EFCC1: variants seen among roughly 807,000 people sequenced by gnomAD.
The protein encoded by EFCC1 is EF-hand and coiled-coil domain containing 1, also known as EF-hand and coiled-coil domain-containing protein 1.
In EFCC1, 50 loss-of-function variants were observed where a neutral mutation model predicts 52.1. That is an observed-to-expected ratio of 0.96 (90% confidence interval 0.76 to 1.21). EFCC1 has a LOEUF of 1.21. Among genes scored for constraint, EFCC1 ranks in the 50% most tolerant of loss-of-function variants. The pLI is 0.00. For missense variants in EFCC1, 837 were observed against 867.3 expected (o/e 0.97, Z 0.44); for synonymous variants, 399 against 396.5 (o/e 1.01, Z -0.08).
chr3:129,025,639 T>C (rs1946072738), intron 2 of EFCC1, among the ~76,000 whole-genome samples: 1 of 152,156 alleles, frequency 6.6e-6, no homozygotes, highest in Non-Finnish European at 1.5e-5. Flanking sequence ...GGTGGAGCTA[T>C]TATAGCATGT....
chr3:129,030,705 C>T lies in EFCC1; in HGVS notation c.983C>T (p.Ser328Leu). 6.4e-7 allele frequency: 1 copy of T among 1,551,326 alleles called. No individual in the cohort carries two copies. ...CTGTGTCTCTCCCACGGCTGCAGGT[C>T]AGAGGATTCCCAGCTCCCAACCCCG... is the stretch of plus-strand genomic sequence containing the variant. Reference protein sequence around the residue: ...RLEAELQRYRSEDSQLPTPQL... With the variant: ...RLEAELQRYRLEDSQLPTPQL... The change falls in exon 3 of 8, where the codon TCA becomes TTA. Residue 328 changes from serine to leucine, a missense_variant and splice_region_variant. Coordinates refer to ENST00000683648, the MANE Select transcript of EFCC1 (RefSeq NM_001377500.1).
At chr3:129,033,922 G>A (rs1380870601) in intron 4 of EFCC1, among the ~76,000 whole-genome samples, 1 of 152,272 alleles carries the variant, frequency 6.6e-6, no homozygotes, top group Non-Finnish European at 1.5e-5. Flanking sequence ...ACTGTGGCTG[G>A]AGCAGTGTGA....
At chr3:129,003,737 G>T in intron 1 of EFCC1, 57 bp from the exon 2 acceptor site, 1 of 1,300,288 alleles carries the variant, frequency 7.7e-7, no homozygotes, top group Non-Finnish European at 9.8e-7. Flanking sequence ...GCGGGCGTTC[G>T]TCTGGTGCAT....
In EFCC1 at chr3:129,032,848, G is replaced by A; in HGVS notation, c.1168G>A (p.Glu390Lys). The A allele has an allele frequency of 5.2e-6, 8 of 1,551,480 alleles. No homozygotes were observed. The highest frequency in any genetic ancestry group is 7.0e-6 in the Non-Finnish European group (8 of 1,146,946). The change falls in exon 4 of 8, where the codon GAG becomes AAG. Residue 390 changes from glutamate (E) to lysine (K), a missense_variant. Physicochemically the swap from Glu to Lys is moderately conservative, Grantham distance 56 (BLOSUM62 1). Coordinates refer to ENST00000683648, the MANE Select transcript of EFCC1 (RefSeq NM_001377500.1). Reference protein sequence around the residue: ...AVDEQLFRSVEGQAASDEEEV... With the variant: ...AVDEQLFRSVKGQAASDEEEV... The stretch of plus-strand genomic sequence containing the variant: ...GGACGAGCAGCTGTTCCGCTCCGTG[G>A]AGGGCCAGGCCGCCTCTGACGAGGA...
chr3:129,037,057 G>C lies in EFCC1; in HGVS notation c.1533G>C (p.Leu511=), dbSNP rs552830863. 6.2e-7 allele frequency: 1 copy of C among 1,613,578 alleles called. No homozygotes were observed. The highest frequency in any genetic ancestry group is 2.2e-5 in the East Asian group (1 of 44,882). The change falls in exon 6 of 8, where the codon CTG becomes CTC. Residue 511 remains leucine (L), a synonymous_variant. Coordinates refer to ENST00000683648, the MANE Select transcript of EFCC1 (RefSeq NM_001377500.1). ...TGGTAGAGACCGAGAGGGTGCGGCT[G>C]TCCCTGCTGGAGGAGAAGCTGGTGG... ...LQMVETERVR[L]SLLEEKLVDV...
intron 2 of EFCC1, among the ~76,000 whole-genome samples, chr3:129,012,171 C>T (rs1431968954): frequency 6.6e-6 from 1 of 152,262 alleles, no homozygotes; most frequent in Non-Finnish European, 1.5e-5. Context: ...CTTGATGCTT[C>T]TTAGGAAGCT....
At position 129,037,056 on chromosome 3, in the gene EFCC1, T is replaced by TG; in HGVS notation, c.1533dup (p.Ser512ValfsTer128). 1 of 1,613,614 alleles carries TG rather than the reference T, an allele frequency of 6.2e-7. No individual in the cohort carries two copies. Among genetic ancestry groups the TG allele is most frequent in the Non-Finnish European group, 8.5e-7 (1 of 1,179,896 alleles). On this transcript the variant is annotated frameshift_variant, in exon 6 of 8. Coordinates refer to ENST00000683648, the MANE Select transcript of EFCC1 (RefSeq NM_001377500.1). LOFTEE classifies it high-confidence loss of function. ...ATGGTAGAGACCGAGAGGGTGCGGC[T>TG]GTCCCTGCTGGAGGAGAAGCTGGTG...
Position 129,035,306 on chromosome 3 carries a change from G to A in EFCC1, c.1452+977G>A, listed in dbSNP as rs527541585. 5.3e-5 allele frequency among the ~76,000 whole-genome samples: 8 copies of A among 152,326 alleles called. No homozygotes were observed. In the South Asian group the frequency reaches 1.4e-3, roughly 28 times the overall value. On this transcript the variant is annotated intron_variant, in intron 5 of 7. Transcript: ENST00000683648. ...TGCTCTGTCTTATTTTATGTTCAAA[G>A]GGCCCAATGAGGTAGGAAACAGTTT...
At chr3:129,031,138 C>T (rs938372134) in intron 3 of EFCC1, among the ~76,000 whole-genome samples, 2 of 152,314 alleles carry the variant, frequency 1.3e-5, no homozygotes, top group East Asian at 3.9e-4. Flanking sequence ...CCTTTAAAAG[C>T]ATGGATGCAG....
At chr3:129,006,355 C>A (rs1218689575) in intron 2 of EFCC1, among the ~76,000 whole-genome samples, 1 of 152,220 alleles carries the variant, frequency 6.6e-6, no homozygotes, top group Non-Finnish European at 1.5e-5. Context: ...CTTGCTCTGT[C>A]ACCCAGGCTG....
At chr3:129,017,458 C>T (rs908084256) in intron 2 of EFCC1, among the ~76,000 whole-genome samples, 7 of 152,216 alleles carry the variant, frequency 4.6e-5, no homozygotes, top group South Asian at 4.1e-4. Context: ...CGCACAAGGC[C>T]GAAAGCAAGG....
At position 129,010,441 on chromosome 3, in the gene EFCC1, GGAGA is replaced by G. The variant is rs1339820015; in HGVS notation, c.980+6366_980+6369del. On this transcript the variant is annotated intron_variant, in intron 2 of 7. Coordinates refer to ENST00000683648, the MANE Select transcript of EFCC1 (RefSeq NM_001377500.1). This position sits in a 1 kb window ranked among gnomAD's most constrained non-coding sequence, Gnocchi z 4.3. Reference sequence around the variant, plus strand: ...CAGCTCAGCTCAGCCGGAACAGGGAGGAGAGGCCTGGCGGCCTGGCCTCTGGCTT... The same window carrying G: ...CAGCTCAGCTCAGCCGGAACAGGGAGGGCCTGGCGGCCTGGCCTCTGGCTT... Among the ~76,000 whole-genome samples, 1 of 152,166 alleles carries G rather than the reference GGAGA, an allele frequency of 6.6e-6. No homozygotes were observed. The highest frequency in any genetic ancestry group is 2.4e-5 in the African/African-American group (1 of 41,436).
Position 129,014,540 on chromosome 3 carries a change from A to G in EFCC1, c.980+10463A>G, listed in dbSNP as rs554507008. Among the ~76,000 whole-genome samples the G allele has an allele frequency of 1.1e-3, 172 of 152,302 alleles. No homozygotes were observed. Among genetic ancestry groups the G allele is most frequent in the Non-Finnish European group, 1.9e-3 (128 of 68,020 alleles). On this transcript the variant is annotated intron_variant, in intron 2 of 7. Transcript: ENST00000683648. The surrounding 1 kb of genome is among the most constrained non-coding windows in gnomAD (Gnocchi z 4.3). ...GTCAGACTGGATTAGGGCCCACCCT[A>G]AAGACCTCATTTTAACTTGATTACC... is the stretch of plus-strand genomic sequence containing the variant.
rs142737533 is a variant in EFCC1 at position 129,020,910 on chromosome 3, C to G, written c.981-9793C>G. Among the ~76,000 whole-genome samples, 100 of 152,316 alleles carry G rather than the reference C, an allele frequency of 6.6e-4. 1 individual carries two copies. The highest frequency in any genetic ancestry group is 2.3e-3 in the African/African-American group (96 of 41,580). ...CTGGCAGCCTCCAAGTCCAAACCCA[C>G]AGGGGTGGGCACCTCGTAGTCCCAG... is the stretch of plus-strand genomic sequence containing the variant. On this transcript the variant is annotated intron_variant, in intron 2 of 7. Coordinates refer to ENST00000683648, the MANE Select transcript of EFCC1 (RefSeq NM_001377500.1).
Position 129,038,907 on chromosome 3 carries a change from G to A in EFCC1, c.1663+7G>A, listed in dbSNP as rs368823118. 2.9e-5 allele frequency: 46 copies of A among 1,613,618 alleles called. No homozygotes were observed. Among genetic ancestry groups the A allele is most frequent in the Non-Finnish European group, 3.6e-5 (42 of 1,179,854 alleles). The stretch of plus-strand genomic sequence containing the variant: ...TTCAGGGACCCCACCCACGGTAGGA[G>A]AGCACCCTAGTCTCTCAGAGCCCAC... On this transcript the variant is annotated splice_region_variant and intron_variant, in intron 7 of 7. Coordinates refer to ENST00000683648, the MANE Select transcript of EFCC1 (RefSeq NM_001377500.1).
chr3:129,015,934 G>A (rs1329454166), intron 2 of EFCC1, among the ~76,000 whole-genome samples: 1 of 152,232 alleles, frequency 6.6e-6, no homozygotes, highest in African/African-American at 2.4e-5. Context: ...GTGCTGCAGC[G>A]TGGCCGTGGC....
Position 129,032,851 on chromosome 3 carries a change from G to A in EFCC1, c.1171G>A (p.Gly391Ser). The A allele has an allele frequency of 2.6e-6, 4 of 1,551,476 alleles. No homozygotes were observed. Among genetic ancestry groups the A allele is most frequent in the Non-Finnish European group, 3.5e-6 (4 of 1,146,930 alleles). ...VDEQLFRSVE[G>S]QAASDEEEVE... is the part of the protein sequence containing the mutation. Reference sequence around the variant, plus strand: ...CGAGCAGCTGTTCCGCTCCGTGGAGGGCCAGGCCGCCTCTGACGAGGAGGA... The same window carrying A: ...CGAGCAGCTGTTCCGCTCCGTGGAGAGCCAGGCCGCCTCTGACGAGGAGGA... The change falls in exon 4 of 8, where the codon GGC becomes AGC. Residue 391 changes from glycine to serine, a missense_variant. Transcript: ENST00000683648.
chr3:129,002,039 G>A lies in EFCC1; in HGVS notation c.411G>A (p.Pro137=), dbSNP rs1230215739. ...CGCGCCTGGCGCTGCGCGCCGAGCC[G>A]CCGGAGCTCACCTTCCGCCAGTTCC... is the stretch of plus-strand genomic sequence containing the variant. ...EEARLALRAE[P]PELTFRQFHA... is the part of the protein sequence containing the mutation. Residue 137 remains proline, a synonymous_variant, in exon 1 of 8, where the codon CCG becomes CCA. Transcript: ENST00000683648. The A allele has an allele frequency of 2.6e-6, 4 of 1,543,762 alleles. No homozygotes were observed. The highest frequency in any genetic ancestry group is 2.8e-5 in the African/African-American group (2 of 72,030).
Position 129,003,944 on chromosome 3 carries a change from C to T in EFCC1, c.847C>T (p.Arg283Trp), listed in dbSNP as rs756652417. 4.3e-6 allele frequency: 6 copies of T among 1,405,654 alleles called. No individual in the cohort carries two copies. In the South Asian group the frequency reaches 4.4e-5, roughly 10 times the overall value. The allele number at this position is 1,405,654 out of a possible 1,614,324, so 87.1% of individuals were successfully genotyped here. Residue 283 changes from arginine to tryptophan, a missense_variant, in exon 2 of 8, where the codon CGG becomes TGG. Coordinates refer to ENST00000683648, the MANE Select transcript of EFCC1 (RefSeq NM_001377500.1). ...GCGCCGTGGCCAGGCCGAGGTGCGG[C>T]GGCGCGCGGAGGAGGCCCGGCAGGT... Reference protein sequence around the residue: ...RLRRGQAEVRRRAEEARQVVL... With the variant: ...RLRRGQAEVRWRAEEARQVVL...
Sources: allele counts gnomAD v4.1 joint callset (sites outside exome capture counted in the v4.1 genomes callset), GRCh38; gene constraint gnomAD v4.1.1; non-coding constraint Gnocchi (gnomAD v3.1); transcripts MANE v1.5; gene names NCBI Gene and HGNC (gene_info 2026-07-23, HGNC 2026-07-21).